Variants in DIP2A observed in about 807,000 individuals in gnomAD.
The protein encoded by DIP2A is DIP2 acetate--CoA ligase A, also known as disco-interacting protein 2 homolog A.
Under a neutral mutation model 177.4 loss-of-function variants are expected in DIP2A, and 85 were observed. The ratio of observed to expected loss-of-function variants is 0.48; its 90% CI spans 0.40 to 0.57. The LOEUF (loss-of-function observed/expected upper bound fraction) is 0.57. Ranked by LOEUF, DIP2A falls within the 20% of genes least tolerant of loss-of-function variation. The probability of loss-of-function intolerance (pLI) is 0.00; values close to 1 mark genes in which losing one functional copy is unlikely to be tolerated. For synonymous variants in DIP2A, 886 were observed against 881.8 expected (o/e 1.00, Z -0.08); for missense variants, 1,791 against 2,100.2 (o/e 0.85, Z 2.88).
At position 46,515,067 on chromosome 21, in the gene DIP2A, G is replaced by A. The variant is rs922330870; in HGVS notation, c.1102+3453G>A. ...CCAATAAGTTGTTTAGGATTTTTAC[G>A]TCTGTTTTCATTAGAAAAATTGATC... On this transcript the variant is annotated intron_variant, in intron 8 of 37. Transcript: ENST00000417564. Among the ~76,000 whole-genome samples the A allele has an allele frequency of 3.3e-5, 5 of 152,148 alleles. No homozygotes were observed. In the South Asian group the frequency reaches 8.3e-4, roughly 25 times the overall value.
At chr21:46,459,683 A>G (rs1172122934) in intron 1 of DIP2A, among the ~76,000 whole-genome samples, 1 of 147,566 alleles carries the variant, frequency 6.8e-6, no homozygotes, top group Non-Finnish European at 1.5e-5. Context: ...ACCAGGGACC[A>G]CTGCCCCGCC....
At chr21:46,558,523 A>C (rs1403921906) in intron 32 of DIP2A, 130 bp downstream of exon 32, 25 of 871,808 alleles carry the variant, frequency 2.9e-5, no homozygotes, top group Non-Finnish European at 3.9e-5. Flanking sequence ...TTGATATCTC[A>C]TTTCCATGTA....
Position 46,511,610 on chromosome 21 carries a change from C to T in DIP2A, c.1098C>T (p.Thr366=), listed in dbSNP as rs374463299. 16 of 1,531,254 alleles carry T rather than the reference C, an allele frequency of 1.0e-5. No individual in the cohort carries two copies. The African/African-American group carries it at 2.2e-4, about 21-fold the overall frequency. The allele number at this position is 1,531,254 out of a possible 1,614,324, so 94.9% of individuals were successfully genotyped here. Residue 366 remains threonine, a synonymous_variant, in exon 8 of 38, where the codon ACC becomes ACT. Transcript: ENST00000417564. ...DTTGKAVYTL[T]YGKLWSRSLK... ...CTGGGAAAGCCGTCTACACTCTCAC[C>T]TATGGCAAGTGTTAACAGAAAGCAG...
intron 1 of DIP2A, among the ~76,000 whole-genome samples, chr21:46,466,147 A>C (rs1374902806): frequency 6.6e-6 from 1 of 152,142 alleles, no homozygotes; most frequent in Non-Finnish European, 1.5e-5. Context: ...TGAGTATTTG[A>C]TATTATATAA....
At chr21:46,508,819 G>A (rs561483339) in intron 6 of DIP2A, among the ~76,000 whole-genome samples, 2 of 151,578 alleles carry the variant, frequency 1.3e-5, no homozygotes, top group African/African-American at 4.8e-5. Context: ...TGAAGAGATC[G>A]ATACCATCCT....
rs181352349 is a variant in DIP2A, at chr21:46,505,759, C to T, written c.784+1270C>T. On this transcript the variant is annotated intron_variant, in intron 6 of 37. Coordinates refer to ENST00000417564, the MANE Select transcript of DIP2A (RefSeq NM_015151.4). Reference sequence around the variant, plus strand: ...TTCCCCATACACTTCAGGCAGCCACCGATTTACTTTCTGTCACTATAGATT... The same window carrying T: ...TTCCCCATACACTTCAGGCAGCCACTGATTTACTTTCTGTCACTATAGATT... Among the ~76,000 whole-genome samples, 253 of 152,136 alleles carry T rather than the reference C, an allele frequency of 1.7e-3. 1 individual carries two copies. Among genetic ancestry groups the T allele is most frequent in the African/African-American group, 5.6e-3 (231 of 41,510 alleles).
chr21:46,459,107 T>G lies in DIP2A; in HGVS notation c.-25T>G, dbSNP rs1601255806. The G allele has an allele frequency of 6.8e-7, 1 of 1,466,780 alleles. No individual in the cohort carries two copies. Among genetic ancestry groups the G allele is most frequent in the Non-Finnish European group, 9.0e-7 (1 of 1,112,586 alleles). 90.9% of individuals were successfully genotyped at this position (1,466,780 alleles called of 1,614,324 possible). On this transcript the variant is annotated 5_prime_UTR_variant, in exon 1 of 38. Transcript: ENST00000417564. ...CCAGGCCCGGTCCGGTTCCAGCCTC[T>G]GCCCGGACGCTAGCCGGCCTGGCCA...
chr21:46,481,287 A>G (rs1160294915), intron 1 of DIP2A, among the ~76,000 whole-genome samples: 1 of 152,210 alleles, frequency 6.6e-6, no homozygotes, highest in Non-Finnish European at 1.5e-5. Context: ...ACACTTTTGC[A>G]AGTATCAATA....
Position 46,556,750 on chromosome 21 carries a change from T to G in DIP2A, c.3499-189T>G, listed in dbSNP as rs2060484014. Reference sequence around the variant, plus strand: ...GAAATTTTGTTTCAAAGATTTTTAGTGTACCATTTCTTGGGTATTATTTAG... The same window carrying G: ...GAAATTTTGTTTCAAAGATTTTTAGGGTACCATTTCTTGGGTATTATTTAG... On this transcript the variant is annotated intron_variant, in intron 29 of 37. Transcript: ENST00000417564. The surrounding 1 kb of genome is among the most constrained non-coding windows in gnomAD (Gnocchi z 4.5). 1 of 552,670 alleles carries G rather than the reference T, an allele frequency of 1.8e-6. No homozygotes were observed. Among genetic ancestry groups the G allele is most frequent in the Non-Finnish European group, 3.1e-6 (1 of 323,538 alleles). 34.2% of individuals were successfully genotyped at this position (552,670 alleles called of 1,614,324 possible). A position where few individuals can be genotyped will look rare whatever the true frequency, so the allele number is the denominator to read the frequency against.
chr21:46,493,706 T>A (rs1477294350), intron 3 of DIP2A, among the ~76,000 whole-genome samples: 1 of 152,208 alleles, frequency 6.6e-6, no homozygotes, highest in East Asian at 1.9e-4. Flanking sequence ...ATGAATTTCC[T>A]TTATCATATG....
chr21:46,552,047 T>G (rs920587335), intron 25 of DIP2A, 143 bp downstream of exon 25: 5 of 993,760 alleles, frequency 5.0e-6, no homozygotes, highest in Non-Finnish European at 7.6e-6. Context: ...CCGTCCTGGT[T>G]GTTCTCATGC....
chr21:46,564,054 T>C, intron 35 of DIP2A, 122 bp downstream of exon 35: 1 of 1,189,996 alleles, frequency 8.4e-7, no homozygotes, highest in South Asian at 1.4e-5. Context: ...AGAAACCATT[T>C]GGCCCTTGCC....
chr21:46,470,539 G>A (rs1195855094), intron 1 of DIP2A, among the ~76,000 whole-genome samples: 5 of 151,700 alleles, frequency 3.3e-5, no homozygotes, highest in African/African-American at 4.8e-5. Flanking sequence ...TTGGGAGGCC[G>A]AGGTGGGCGG....
the DIP2A span, among the ~76,000 whole-genome samples, chr21:46,582,753 C>T: frequency 6.6e-6 from 1 of 152,096 alleles, no homozygotes; most frequent in Admixed American, 6.5e-5. Flanking sequence ...TCTAGTAGGC[C>T]ATCTTTCCAC....
At chr21:46,462,697 C>T (rs1262105412) in intron 1 of DIP2A, 1 of 150,844 alleles carries the variant, frequency 6.6e-6, no homozygotes, top group Non-Finnish European at 1.5e-5. Context: ...TAAGAGTTGT[C>T]ACTGTGCTTG....
chr21:46,573,645 C>CAAAAAAAAAAAAAAAAAAAAAA (rs201994694), downstream of DIP2A, among the ~76,000 whole-genome samples: 36 of 52,972 alleles, frequency 6.8e-4, 1 homozygote, highest in African/African-American at 8.8e-4. Context: ...CCCTCTCTCA[C>CAAAAAAAAAAAAAAAAAAAAAA]AAAAAAAAAA....
chr21:46,493,113 G>T (rs2057116321), intron 3 of DIP2A, among the ~76,000 whole-genome samples: 1 of 152,092 alleles, frequency 6.6e-6, no homozygotes, highest in African/African-American at 2.4e-5. Context: ...AGAAAAATTT[G>T]TGTTGTTTAA....
Position 46,504,391 on chromosome 21 carries a change from C to G in DIP2A, c.686C>G (p.Thr229Arg). The G allele has an allele frequency of 1.2e-6, 2 of 1,613,882 alleles. No individual in the cohort carries two copies. Among genetic ancestry groups the G allele is most frequent in the Non-Finnish European group, 1.7e-6 (2 of 1,179,836 alleles). ...DLHSAPPDVT[T>R]GLVEHSYFER... The stretch of plus-strand genomic sequence containing the variant: ...CATTCTGCCCCTCCTGATGTCACCA[C>G]GGGCCTCGTGGAGCATTCGTACTTT... The change falls in exon 6 of 38, where the codon ACG (threonine) becomes AGG (arginine). Residue 229 changes from threonine to arginine, a missense_variant. Thr to Arg is a moderately conservative substitution (Grantham distance 71). Coordinates refer to ENST00000417564, the MANE Select transcript of DIP2A (RefSeq NM_015151.4).
In DIP2A at chr21:46,537,313, A is replaced by C; in HGVS notation, c.1707+25A>C. ...AGTGAGTGTTGTTTGCTGATGACTAACTGTTGGAACAAGGGATTGAGATGA... is the reference window on the plus strand; with the variant it reads ...AGTGAGTGTTGTTTGCTGATGACTACCTGTTGGAACAAGGGATTGAGATGA... On this transcript the variant is annotated intron_variant, in intron 14 of 37. Coordinates refer to ENST00000417564, the MANE Select transcript of DIP2A (RefSeq NM_015151.4). This position sits in a 1 kb window ranked among gnomAD's most constrained non-coding sequence, Gnocchi z 4.1. The C allele has an allele frequency of 1.2e-6, 2 of 1,613,606 alleles. No homozygotes were observed.
Sources: allele counts gnomAD v4.1 joint callset (sites outside exome capture counted in the v4.1 genomes callset), GRCh38; gene constraint gnomAD v4.1.1; non-coding constraint Gnocchi (gnomAD v3.1); transcripts MANE v1.5; gene names NCBI Gene and HGNC (gene_info 2026-07-23, HGNC 2026-07-21).